The following TIMELESS variants were observed in gnomAD, a reference collection of about 807,000 sequenced individuals.
TIMELESS encodes the protein protein timeless homolog.
In TIMELESS, 124 loss-of-function variants were observed where a neutral mutation model predicts 164.3. The ratio of observed to expected loss-of-function variants is 0.75; its 90% CI spans 0.65 to 0.88. The LOEUF (loss-of-function observed/expected upper bound fraction) is 0.88, where lower values mean the gene tolerates loss of function less well. Among genes scored for constraint, TIMELESS ranks in the 40% least tolerant of loss-of-function variants. The probability of loss-of-function intolerance (pLI) is 0.00; values close to 1 mark genes in which losing one functional copy is unlikely to be tolerated. For synonymous variants in TIMELESS, 564 were observed against 563.4 expected (o/e 1.00, Z -0.02); for missense variants, 1,422 against 1,491.4 (o/e 0.95, Z 0.77).
intron 11 of TIMELESS, 23 bp downstream of exon 11, chr12:56,428,854 ACTGTAT>A (rs1404842307): frequency 6.2e-7 from 1 of 1,606,246 alleles, no homozygotes; most frequent in Non-Finnish European, 8.5e-7. Context: ...TCCCTAGCTC[ACTGTAT>A]CTCCAGTAAC....
intron 10 of TIMELESS, among the ~76,000 whole-genome samples, chr12:56,429,465 T>C (rs1297393145): frequency 6.7e-6 from 1 of 150,032 alleles, no homozygotes; most frequent in Non-Finnish European, 1.5e-5. Context: ...CCCAAAGTGC[T>C]GGTATTACAG....
At position 56,423,457 on chromosome 12, in the gene TIMELESS, G is replaced by T; in HGVS notation, c.2109C>A (p.Val703=). 1 of 1,614,068 alleles carries T rather than the reference G, an allele frequency of 6.2e-7. No homozygotes were observed. The highest frequency in any genetic ancestry group is 8.5e-7 in the Non-Finnish European group (1 of 1,180,010). Residue 703 remains valine (V), a synonymous_variant, in exon 18 of 29, where the codon GTC becomes GTA. Transcript: ENST00000553532. ...TTAGTAGCAGCACATAGGCTCGAACGACAGTTGAACATGCAAAGCTGCACC... is the reference window on the plus strand; with the variant it reads ...TTAGTAGCAGCACATAGGCTCGAACTACAGTTGAACATGCAAAGCTGCACC... ...DYLKRFACST[V]VRAYVLLLRS...
At chr12:56,438,066 G>C (rs561989541) in intron 1 of TIMELESS, among the ~76,000 whole-genome samples, 1 of 151,828 alleles carries the variant, frequency 6.6e-6, no homozygotes, top group African/African-American at 2.4e-5. Flanking sequence ...TTCTGAGATG[G>C]AGTTTCGCTC....
Position 56,423,427 on chromosome 12 carries a change from G to C in TIMELESS, c.2139C>G (p.Ser713Arg). Residue 713 changes from serine (S) to arginine (R), a missense_variant, in exon 18 of 29, where the codon AGC (serine) becomes AGG (arginine). By Grantham distance (110) the Ser-to-Arg change is moderately radical. Coordinates refer to ENST00000553532, the MANE Select transcript of TIMELESS (RefSeq NM_003920.5). ...VVRAYVLLLR[S>R]YQQNSAHTNH... is the part of the protein sequence containing the mutation. ...TAGTGTGGGCACTATTCTGCTGGTA[G>C]CTCCTTAGTAGCAGCACATAGGCTC... 6.2e-7 allele frequency: 1 copy of C among 1,614,162 alleles called. No individual in the cohort carries two copies. Among genetic ancestry groups the C allele is most frequent in the South Asian group, 1.1e-5 (1 of 91,082 alleles).
intron 13 of TIMELESS, among the ~76,000 whole-genome samples, chr12:56,426,845 C>A (rs553502620): frequency 6.6e-6 from 1 of 152,320 alleles, no homozygotes; most frequent in East Asian, 1.9e-4. Context: ...CAGGCATGAG[C>A]CACCGCGCCT....
chr12:56,421,982 C>A lies in TIMELESS; in HGVS notation c.2559G>T (p.Leu853=). 1 of 1,614,164 alleles carries A rather than the reference C, an allele frequency of 6.2e-7. No individual in the cohort carries two copies. Among genetic ancestry groups the A allele is most frequent in the Non-Finnish European group, 8.5e-7 (1 of 1,180,026 alleles). ...QDVVEAILAH[L]NTVPRTRKQI... is the part of the protein sequence containing the mutation. ...GCTTGCGTGTTCGAGGAACAGTATT[C>A]AGGTGGGCCAAGATGGCTTCCACCA... The change falls in exon 21 of 29, where the codon CTG becomes CTT. Residue 853 remains leucine (L), a synonymous_variant. Transcript: ENST00000553532.
At chr12:56,440,999 G>C (rs1290678712) in intron 1 of TIMELESS, among the ~76,000 whole-genome samples, 1 of 151,032 alleles carries the variant, frequency 6.6e-6, no homozygotes, top group Non-Finnish European at 1.5e-5. Context: ...TTTGTGTTTT[G>C]TAGTTGAGAT....
intron 1 of TIMELESS, among the ~76,000 whole-genome samples, chr12:56,435,420 A>G (rs1246853917): frequency 6.6e-6 from 1 of 152,044 alleles, no homozygotes; most frequent in Non-Finnish European, 1.5e-5. Context: ...GTACAGTGGC[A>G]TGATCACAGC....
At chr12:56,447,672 A>G (rs988823297) in intron 1 of TIMELESS, among the ~76,000 whole-genome samples, 5 of 152,190 alleles carry the variant, frequency 3.3e-5, no homozygotes, top group Admixed American at 6.5e-5. Flanking sequence ...AGCACAGTGC[A>G]TGGTACATGT....
rs1239483194 is a variant in TIMELESS, at chr12:56,421,435, C to T, written c.2784G>A (p.Val928=). The T allele has an allele frequency of 6.2e-7, 1 of 1,614,108 alleles. No homozygotes were observed. The highest frequency in any genetic ancestry group is 1.7e-5 in the Admixed American group (1 of 60,014). ...ITAKRSRARI[V]DKLLALGLVA... Reference sequence around the variant, plus strand: ...CCAGCCCCAGAGCCAAGAGTTTATCCACTATTCGGGCCCGTGAGCGTTTGG... The same window carrying T: ...CCAGCCCCAGAGCCAAGAGTTTATCTACTATTCGGGCCCGTGAGCGTTTGG... The change falls in exon 23 of 29, where the codon GTG becomes GTA. Residue 928 remains valine (V), a synonymous_variant. Transcript: ENST00000553532.
intron 1 of TIMELESS, among the ~76,000 whole-genome samples, chr12:56,448,923 G>A (rs1172680510): frequency 3.3e-5 from 5 of 152,128 alleles, no homozygotes; most frequent in Admixed American, 1.3e-4. Context: ...TGTGAATTCC[G>A]ACCACTGCTG....
chr12:56,433,653 C>A lies in TIMELESS; in HGVS notation c.252-1G>T, dbSNP rs1431523312. The stretch of plus-strand genomic sequence containing the variant: ...TGGTTGTGTCAAGTTCACCATCAGT[C>A]TGGGAGACAATGAAGGAGGGAGAAG... On this transcript the variant is annotated splice_acceptor_variant, in intron 3 of 28. Coordinates refer to ENST00000553532, the MANE Select transcript of TIMELESS (RefSeq NM_003920.5). LOFTEE classifies it high-confidence loss of function. 6.2e-7 allele frequency: 1 copy of A among 1,613,976 alleles called. No individual in the cohort carries two copies. Among genetic ancestry groups the A allele is most frequent in the African/African-American group, 1.3e-5 (1 of 74,944 alleles).
chr12:56,420,616 GA>G lies in TIMELESS; in HGVS notation c.3180del (p.Gln1061SerfsTer7). The G allele has an allele frequency of 6.2e-7, 1 of 1,614,250 alleles. No homozygotes were observed. The highest frequency in any genetic ancestry group is 8.5e-7 in the Non-Finnish European group (1 of 1,180,050). On this transcript the variant is annotated frameshift_variant, in exon 26 of 29. Transcript: ENST00000553532. LOFTEE classifies it high-confidence loss of function. ...ACCCCTAGCTTGCGCAACAGCTGCT[GA>G]AACTGTTCGTTTTCCATGGCTTCCT... Reference protein sequence around the residue: ...ENEEAMENEQFQQLLRKLGVR... With the variant: ...ENEEAMENEQXQQLLRKLGVR...
Position 56,424,854 on chromosome 12 carries a change from C to A in TIMELESS, c.1776G>T (p.Val592=). 6.2e-7 allele frequency: 1 copy of A among 1,614,248 alleles called. No individual in the cohort carries two copies. Among genetic ancestry groups the A allele is most frequent in the Non-Finnish European group, 8.5e-7 (1 of 1,180,038 alleles). The change falls in exon 15 of 29, where the codon GTG becomes GTT. Residue 592 remains valine, a synonymous_variant. Transcript: ENST00000553532. ...VPFDAASEVP[V]EEQRAEAMVR... is the part of the protein sequence containing the mutation. Reference sequence around the variant, plus strand: ...CCATAGCTTCTGCCCGCTGCTCCTCCACTGGCACCTCTGAGGCCGCATCAA... The same window carrying A: ...CCATAGCTTCTGCCCGCTGCTCCTCAACTGGCACCTCTGAGGCCGCATCAA...
intron 1 of TIMELESS, among the ~76,000 whole-genome samples, chr12:56,439,391 C>CTTT (rs67588306): frequency 7.3e-5 from 10 of 136,414 alleles, no homozygotes; most frequent in Non-Finnish European, 3.2e-5. Flanking sequence ...CAGGGGTTTT[C>CTTT]TTTTTTTTTT....
chr12:56,424,834 G>T lies in TIMELESS; in HGVS notation c.1796C>A (p.Ala599Asp). Residue 599 changes from alanine (A) to aspartate (D), a missense_variant, in exon 15 of 29, where the codon GCT (alanine) becomes GAT (aspartate). Transcript: ENST00000553532. Reference sequence around the variant, plus strand: ...GAGACAGTCTTGGATCCGTACCATAGCTTCTGCCCGCTGCTCCTCCACTGG... The same window carrying T: ...GAGACAGTCTTGGATCCGTACCATATCTTCTGCCCGCTGCTCCTCCACTGG... ...EVPVEEQRAE[A>D]MVRIQDCLLA... 1 of 1,614,234 alleles carries T rather than the reference G, an allele frequency of 6.2e-7. No homozygotes were observed. The highest frequency in any genetic ancestry group is 1.1e-5 in the South Asian group (1 of 91,086).
chr12:56,437,040 T>C (rs942032547), intron 1 of TIMELESS, among the ~76,000 whole-genome samples: 1 of 151,992 alleles, frequency 6.6e-6, no homozygotes, highest in Admixed American at 6.6e-5. Context: ...AAGTGATTCT[T>C]TGCCTCAGCC....
rs550513491 is a variant in TIMELESS, at chr12:56,445,730, CA to C, written c.-62+3579del. On this transcript the variant is annotated intron_variant, in intron 1 of 28. Coordinates refer to ENST00000553532, the MANE Select transcript of TIMELESS (RefSeq NM_003920.5). ...GGGCAACAAGAGCGAAACTCTGTCT[CA>C]AAAAAAAAAAAAAGAAACCTAGGAG... Among the ~76,000 whole-genome samples the C allele has an allele frequency of 5.6e-3, 736 of 130,282 alleles. 2 individuals carry two copies. Among genetic ancestry groups the C allele is most frequent in the Non-Finnish European group, 6.1e-3 (368 of 60,012 alleles). The allele number at this position is 130,282 out of a possible 152,430, so 85.5% of individuals were successfully genotyped here.
chr12:56,430,838 T>C (rs752997047), intron 9 of TIMELESS, 43 bp downstream of exon 9: 6 of 1,349,062 alleles, frequency 4.4e-6, no homozygotes, highest in South Asian at 1.3e-5. Context: ...GCTTAAGCTA[T>C]GCAACTCCAC....
Sources: gnomAD v4.1 joint callset for allele counts (sites outside exome capture counted in the v4.1 genomes callset) on GRCh38, gnomAD v4.1.1 for gene constraint, MANE v1.5 for transcripts, NCBI Gene and HGNC (gene_info 2026-07-23, HGNC 2026-07-21) for gene names.